AGTPBP1: variants seen among roughly 807,000 people sequenced by gnomAD.
AGTPBP1 encodes the protein ATP/GTP binding carboxypeptidase 1.
Under a neutral mutation model 143.9 loss-of-function variants are expected in AGTPBP1, and 70 were observed. The observed-to-expected ratio is 0.49, with a 90% CI of 0.40 to 0.59. The LOEUF is 0.59. Ranked by LOEUF, AGTPBP1 falls within the 20% of genes least tolerant of loss-of-function variation. AGTPBP1 has a pLI of 0.00. For missense variants in AGTPBP1, 1,229 were observed against 1,464.5 expected (o/e 0.84, Z 2.62); for synonymous variants, 463 against 500.2 (o/e 0.93, Z 0.99).
rs1055021433 is a variant in AGTPBP1 at position 85,663,051 on chromosome 9, A to C, written c.663-2078T>G. On this transcript the variant is annotated intron_variant, in intron 8 of 25. Coordinates refer to ENST00000357081, the MANE Select transcript of AGTPBP1 (RefSeq NM_001330701.2). ...GCACAGGGAGACAGAACCTAGGTGG[A>C]GTCTGGCAGATCCCAAAAGTTCAGC... Among the ~76,000 whole-genome samples the C allele has an allele frequency of 7.9e-5, 12 of 152,304 alleles. No individual in the cohort carries two copies. In the East Asian group the frequency reaches 2.1e-3, roughly 27 times the overall value.
the AGTPBP1 span, among the ~76,000 whole-genome samples, chr9:85,792,640 C>T: frequency 6.6e-6 from 1 of 152,200 alleles, no homozygotes; most frequent in South Asian, 2.1e-4. Context: ...ATTTATGAAT[C>T]ACTACCCTGC....
chr9:85,725,085 TGTAACTTAA>T (rs1210021881), intron 1 of AGTPBP1, among the ~76,000 whole-genome samples: 1 of 152,200 alleles, frequency 6.6e-6, no homozygotes, highest in Admixed American at 6.5e-5. Context: ...CACTTCCAGT[TGTAACTTAA>T]GTCTACCAAA....
chr9:85,690,480 G>T (rs759235826), intron 3 of AGTPBP1, among the ~76,000 whole-genome samples: 3 of 152,038 alleles, frequency 2.0e-5, no homozygotes, highest in Non-Finnish European at 4.4e-5. Context: ...ATTTTCAGTG[G>T]TGAGGAGTAT....
chr9:85,693,457 G>C (rs1027153641), intron 2 of AGTPBP1, among the ~76,000 whole-genome samples: 3 of 152,130 alleles, frequency 2.0e-5, no homozygotes, highest in African/African-American at 7.2e-5. Flanking sequence ...AAATTAGCCA[G>C]GCATGTGGCG....
chr9:85,757,484 A>G, the AGTPBP1 span, among the ~76,000 whole-genome samples: 1 of 152,072 alleles, frequency 6.6e-6, no homozygotes, highest in African/African-American at 2.4e-5. Flanking sequence ...AACAGAGGAC[A>G]AAAGATTACA....
chr9:85,638,774 C>T (rs1832254402), intron 13 of AGTPBP1, among the ~76,000 whole-genome samples: 2 of 151,540 alleles, frequency 1.3e-5, no homozygotes, highest in Admixed American at 1.3e-4. Flanking sequence ...TAAATAATAA[C>T]CCTCAAAAAA....
the AGTPBP1 span, among the ~76,000 whole-genome samples, chr9:85,801,326 T>C: frequency 3.3e-5 from 5 of 152,168 alleles, no homozygotes; most frequent in African/African-American, 1.2e-4. Flanking sequence ...ATAATAATAA[T>C]TTTAATTTTT....
chr9:85,762,257 C>T, the AGTPBP1 span, among the ~76,000 whole-genome samples: 4 of 152,038 alleles, frequency 2.6e-5, no homozygotes, highest in Admixed American at 2.6e-4. Context: ...TTGACCCAGC[C>T]ATCCCATTAC....
At chr9:85,626,184 A>G (rs1348618119) in intron 14 of AGTPBP1, among the ~76,000 whole-genome samples, 1 of 152,166 alleles carries the variant, frequency 6.6e-6, no homozygotes, top group Non-Finnish European at 1.5e-5. Flanking sequence ...TTAGTGTGCT[A>G]TCTACATTGA....
At chr9:85,633,960 G>C (rs952509670) in intron 13 of AGTPBP1, among the ~76,000 whole-genome samples, 6 of 151,460 alleles carry the variant, frequency 4.0e-5, no homozygotes, top group African/African-American at 1.5e-4. Flanking sequence ...GGGAGGCTGA[G>C]GCAGGGAGAT....
intron 13 of AGTPBP1, among the ~76,000 whole-genome samples, chr9:85,633,861 G>C (rs1831851549): frequency 6.7e-6 from 1 of 148,516 alleles, no homozygotes; most frequent in Non-Finnish European, 1.5e-5. Flanking sequence ...TTCATATATA[G>C]AACATTAGAA....
chr9:85,650,174 A>G (rs1273865352), intron 11 of AGTPBP1, among the ~76,000 whole-genome samples: 1 of 151,526 alleles, frequency 6.6e-6, no homozygotes, highest in Non-Finnish European at 1.5e-5. Flanking sequence ...TGCATATTCA[A>G]TTTCAAATTT....
intron 11 of AGTPBP1, among the ~76,000 whole-genome samples, chr9:85,652,081 T>A (rs1239863419): frequency 1.3e-5 from 2 of 152,110 alleles, no homozygotes; most frequent in East Asian, 3.9e-4. Context: ...GATCAGACAG[T>A]TGGAACTTCA....
Position 85,646,414 on chromosome 9 carries a change from A to G in AGTPBP1, c.1092T>C (p.Asp364=), listed in dbSNP as rs1329747080. ...TGTCATCACTTTCATCTACTACGTC[A>G]TCCACTATGATACAAAATGTGCTAT... ...AQLYSLPPEV[D]DVVDESDDND... Residue 364 remains aspartate (D), a synonymous_variant, in exon 12 of 26, where the codon GAT becomes GAC. Coordinates refer to ENST00000357081, the MANE Select transcript of AGTPBP1 (RefSeq NM_001330701.2). The G allele has an allele frequency of 2.5e-6, 4 of 1,611,782 alleles. No individual in the cohort carries two copies. The highest frequency in any genetic ancestry group is 3.4e-6 in the Non-Finnish European group (4 of 1,178,978).
the AGTPBP1 span, among the ~76,000 whole-genome samples, chr9:85,804,124 G>GAA: frequency 2.0e-5 from 3 of 147,302 alleles, no homozygotes; most frequent in Non-Finnish European, 4.5e-5. Flanking sequence ...CTAGCATAAA[G>GAA]AAAAAAAAAA....
chr9:85,706,544 A>C (rs993783077), intron 2 of AGTPBP1, among the ~76,000 whole-genome samples: 1 of 150,896 alleles, frequency 6.6e-6, no homozygotes, highest in African/African-American at 2.4e-5. Context: ...AAGAAAAGAA[A>C]TAGTAAGATC....
At chr9:85,709,052 T>C (rs1837199143) in intron 2 of AGTPBP1, among the ~76,000 whole-genome samples, 1 of 152,126 alleles carries the variant, frequency 6.6e-6, no homozygotes, top group South Asian at 2.1e-4. Context: ...TTCATGAACA[T>C]AGATGCAGAA....
upstream of AGTPBP1, chr9:85,742,008 A>T: frequency 8.3e-7 from 1 of 1,206,592 alleles, no homozygotes; most frequent in Non-Finnish European, 1.0e-6. Flanking sequence ...ACGCCTTGCC[A>T]GCCGGCTCCC....
At chr9:85,693,213 A>AAGAAT (rs1835996402) in intron 2 of AGTPBP1, among the ~76,000 whole-genome samples, 3 of 152,178 alleles carry the variant, frequency 2.0e-5, no homozygotes, top group Non-Finnish European at 2.9e-5. Flanking sequence ...GTATAAATCC[A>AAGAAT]GCAAGAATAC....
Sources: gnomAD v4.1 joint callset for allele counts (sites outside exome capture counted in the v4.1 genomes callset) on GRCh38, gnomAD v4.1.1 for gene constraint, MANE v1.5 for transcripts, NCBI Gene and HGNC (gene_info 2026-07-23, HGNC 2026-07-21) for gene names.